Variants in KCNA2 observed in about 807,000 individuals in gnomAD.
The protein encoded by KCNA2 is potassium voltage-gated channel subfamily A member 2, also known as potassium channel, voltage gated shaker related subfamily A, member 2.
Under a neutral mutation model 33.4 loss-of-function variants are expected in KCNA2, and 11 were observed. The ratio of observed to expected loss-of-function variants is 0.33; its 90% confidence interval spans 0.21 to 0.55. The LOEUF (loss-of-function observed/expected upper bound fraction) is 0.55, where lower values mean the gene tolerates loss of function less well. Among genes scored for constraint, KCNA2 ranks in the 20% least tolerant of loss-of-function variants. KCNA2 has a pLI of 0.93. For synonymous variants in KCNA2, 222 were observed against 231.3 expected (o/e 0.96, Z 0.37); for missense variants, 291 against 621.6 (o/e 0.47, Z 5.66).
At position 110,614,469 on chromosome 1, in the gene KCNA2, T is replaced by G. The variant is rs145030535; in HGVS notation, c.-495-8747A>C. ...GTTACTCTAAGCCCCACGTCCTTCTTCTCTCCCTTTTATGGCCTTTGGTCA... is the reference window on the plus strand; with the variant it reads ...GTTACTCTAAGCCCCACGTCCTTCTGCTCTCCCTTTTATGGCCTTTGGTCA... On this transcript the variant is annotated intron_variant, in intron 1 of 4. Coordinates refer to the KCNA2 transcript ENST00000369770. Among the ~76,000 whole-genome samples the G allele has an allele frequency of 1.6e-3, 239 of 152,324 alleles. 3 individuals carry two copies. The highest frequency in any genetic ancestry group is 5.4e-3 in the African/African-American group (225 of 41,562).
chr1:110,597,546 A>G lies in KCNA2; in HGVS notation c.*5737T>C. The G allele has an allele frequency of 1.0e-6, 1 of 985,416 alleles. No individual in the cohort carries two copies. Among genetic ancestry groups the G allele is most frequent in the Non-Finnish European group, 1.2e-6 (1 of 829,926 alleles). 61.0% of individuals were successfully genotyped at this position (985,416 alleles called of 1,614,324 possible). A position where few individuals can be genotyped will look rare whatever the true frequency, so the allele number is the denominator to read the frequency against. On this transcript the variant is annotated 3_prime_UTR_variant, in exon 3 of 3. Coordinates refer to ENST00000316361, the MANE Select transcript of KCNA2 (RefSeq NM_004974.4). ...CACACAGGAAGGAGACAAAGTGACAAAGCCCTCTCACAGGCCTTCCTTGTG... is the reference window on the plus strand; with the variant it reads ...CACACAGGAAGGAGACAAAGTGACAGAGCCCTCTCACAGGCCTTCCTTGTG...
At chr1:110,619,015 A>G (rs1322579483) in intron 1 of KCNA2, among the ~76,000 whole-genome samples, 1 of 152,182 alleles carries the variant, frequency 6.6e-6, no homozygotes, top group Admixed American at 6.5e-5. Context: ...AAAGTCCAGT[A>G]GTTGTTCACT....
In KCNA2 at chr1:110,604,539, G is replaced by C; in HGVS notation, c.244C>G (p.Arg82Gly). 6.2e-7 allele frequency: 1 copy of C among 1,614,184 alleles called. No individual in the cohort carries two copies. Among genetic ancestry groups the C allele is most frequent in the Non-Finnish European group, 8.5e-7 (1 of 1,180,014 alleles). ...TACAAAATGGCATCAAAGCTAGGGC[G>C]GTTCCGATCGAAAAAGTACTCATTT... is the stretch of plus-strand genomic sequence containing the variant. ...LRNEYFFDRN[R>G]PSFDAILYYY... The change falls in exon 3 of 3, where the codon CGC becomes GGC. Residue 82 changes from arginine (R) to glycine (G), a missense_variant. Arg to Gly is a moderately radical substitution (Grantham distance 125, BLOSUM62 -2). This residue lies in a region of KCNA2 where 163 missense variants were observed against 273.5 expected (regional missense o/e 0.60). Transcript: ENST00000316361. This position sits in a 1 kb window ranked among gnomAD's most constrained non-coding sequence, Gnocchi z 7.6.
At position 110,595,869 on chromosome 1, in the gene KCNA2, C is replaced by T. The variant is rs902379787; in HGVS notation, c.*7414G>A. ...CTTTCAGATCTCACAAACCTCAAAC[C>T]TAGGGCACCACCAATGACAAAGAGA... On this transcript the variant is annotated 3_prime_UTR_variant, in exon 3 of 3. Transcript: ENST00000316361. The T allele has an allele frequency of 2.0e-6, 2 of 985,320 alleles. No homozygotes were observed. Among genetic ancestry groups the T allele is most frequent in the Non-Finnish European group, 2.4e-6 (2 of 829,944 alleles). The allele number at this position is 985,320 out of a possible 1,614,324, so 61.0% of individuals were successfully genotyped here.
At chr1:110,606,108 G>C (rs878934834) in intron 1 of KCNA2, 120 bp downstream of exon 1, 2 of 155,464 alleles carry the variant, frequency 1.3e-5, no homozygotes, top group Admixed American at 1.3e-4. Flanking sequence ...TACAAGCTCT[G>C]ACCTCAGCCA....
In KCNA2 at chr1:110,593,785, C is replaced by A; in HGVS notation, c.*9498G>T. On this transcript the variant is annotated 3_prime_UTR_variant, in exon 3 of 3. Coordinates refer to ENST00000316361, the MANE Select transcript of KCNA2 (RefSeq NM_004974.4). ...TACACATATATGTATAACCTATGTA[C>A]AAATATCAGACCCTACTGACACAGG... The A allele has an allele frequency of 1.4e-6, 2 of 1,393,034 alleles. No individual in the cohort carries two copies. The highest frequency in any genetic ancestry group is 9.8e-7 in the Non-Finnish European group (1 of 1,018,384). The allele number at this position is 1,393,034 out of a possible 1,614,324, so 86.3% of individuals were successfully genotyped here. A position where few individuals can be genotyped will look rare whatever the true frequency, so the allele number is the denominator to read the frequency against.
rs1375738422 is a variant in KCNA2, at chr1:110,604,217, C to T, written c.566G>A (p.Arg189Gln). The change falls in exon 3 of 3, where the codon CGG becomes CAG. Residue 189 changes from arginine (R) to glutamine (Q), a missense_variant. Physicochemically the swap from Arg to Gln is conservative, Grantham distance 43 (BLOSUM62 1). Coordinates refer to ENST00000316361, the MANE Select transcript of KCNA2 (RefSeq NM_004974.4). The surrounding 1 kb of genome is among the most constrained non-coding windows in gnomAD (Gnocchi z 7.6). ...ACCATGCATGTCTTCATTCTCATCC[C>T]GGAAGATGGGCAATGTTTCCAGACA... Reference protein sequence around the residue: ...SFCLETLPIFRDENEDMHGSG... With the variant: ...SFCLETLPIFQDENEDMHGSG... 3.1e-6 allele frequency: 5 copies of T among 1,614,028 alleles called. No individual in the cohort carries two copies. The highest frequency in any genetic ancestry group is 4.2e-6 in the Non-Finnish European group (5 of 1,180,044).
rs61784707 is a variant in KCNA2, at chr1:110,599,040, G to C, written c.*4243C>G. The C allele has an allele frequency of 0.067, 65,853 of 985,144 alleles. 2,290 individuals are homozygous for C. The highest frequency in any genetic ancestry group is 0.089 in the Middle Eastern group (171 of 1,914). 61.0% of individuals were successfully genotyped at this position (985,144 alleles called of 1,614,324 possible). A position where few individuals can be genotyped will look rare whatever the true frequency, so the allele number is the denominator to read the frequency against. Reference sequence around the variant, plus strand: ...AACACAAGTTTCCAGCAAAGCACACGTTTTGGACCCATATGTCCACTCCCT... The same window carrying C: ...AACACAAGTTTCCAGCAAAGCACACCTTTTGGACCCATATGTCCACTCCCT... On this transcript the variant is annotated 3_prime_UTR_variant, in exon 3 of 3. Transcript: ENST00000316361.
intron 1 of KCNA2, among the ~76,000 whole-genome samples, chr1:110,626,773 G>T (rs1288428575): frequency 1.3e-5 from 2 of 152,044 alleles, no homozygotes; most frequent in African/African-American, 4.8e-5. Flanking sequence ...CAAGCCTCAG[G>T]CACCAGCCAG....
chr1:110,605,969 C>A (rs1649582756), intron 1 of KCNA2: 1 of 152,292 alleles, frequency 6.6e-6, no homozygotes, highest in Non-Finnish European at 1.5e-5. Flanking sequence ...CTCCAGGGGC[C>A]TCCCTGGGTT....
intron 1 of KCNA2, among the ~76,000 whole-genome samples, chr1:110,623,258 C>T (rs543086825): frequency 6.6e-6 from 1 of 152,272 alleles, no homozygotes; most frequent in South Asian, 2.1e-4. Flanking sequence ...CTATATGCAA[C>T]ATGAACACAT....
chr1:110,614,871 C>T (rs879390119), intron 1 of KCNA2, among the ~76,000 whole-genome samples: 2 of 152,210 alleles, frequency 1.3e-5, no homozygotes, highest in Admixed American at 6.5e-5. Flanking sequence ...CCAGCCCAGA[C>T]TTTGCTGATC....
In KCNA2 at chr1:110,598,775, G is replaced by A. The variant is rs1649210655; in HGVS notation, c.*4508C>T. On this transcript the variant is annotated 3_prime_UTR_variant, in exon 3 of 3. Coordinates refer to ENST00000316361, the MANE Select transcript of KCNA2 (RefSeq NM_004974.4). ...AGGCAAGCAGAGAAGAAGGAAGAGA[G>A]CATGTCAAATATTACTGAAGTTTCA... 1.0e-6 allele frequency: 1 copy of A among 985,138 alleles called. No individual in the cohort carries two copies. 61.0% of individuals were successfully genotyped at this position (985,138 alleles called of 1,614,324 possible).
intron 1 of KCNA2, among the ~76,000 whole-genome samples, chr1:110,624,676 G>A (rs1424061533): frequency 6.6e-6 from 1 of 152,144 alleles, no homozygotes; most frequent in African/African-American, 2.4e-5. Flanking sequence ...GAAAAATGAT[G>A]GGAAAAATGT....
chr1:110,630,998 T>C (rs1650541784), intron 1 of KCNA2, among the ~76,000 whole-genome samples: 1 of 152,200 alleles, frequency 6.6e-6, no homozygotes, highest in Non-Finnish European at 1.5e-5. Context: ...GGCTGCTGTC[T>C]CAAGCACAGG....
chr1:110,627,020 A>C (rs761895716), intron 1 of KCNA2, among the ~76,000 whole-genome samples: 1 of 152,220 alleles, frequency 6.6e-6, no homozygotes, highest in Admixed American at 6.5e-5. Flanking sequence ...GCTTTATTGC[A>C]TCTCATTTAA....
intron 1 of KCNA2, among the ~76,000 whole-genome samples, chr1:110,619,568 G>A (rs981609354): frequency 2.0e-5 from 3 of 152,242 alleles, no homozygotes; most frequent in African/African-American, 7.2e-5. Flanking sequence ...GGGCGGCAAT[G>A]CGGCAATCTG....
intron 1 of KCNA2, among the ~76,000 whole-genome samples, chr1:110,615,936 G>A (rs1650035454): frequency 6.6e-6 from 1 of 152,182 alleles, no homozygotes; most frequent in Non-Finnish European, 1.5e-5. Context: ...ATCCAACAGT[G>A]CCACCCAATG....
chr1:110,624,385 A>T (rs1650339390), intron 1 of KCNA2, among the ~76,000 whole-genome samples: 1 of 152,264 alleles, frequency 6.6e-6, no homozygotes, highest in Non-Finnish European at 1.5e-5. Context: ...AGACAGACAT[A>T]AGAAACACAT....
Sources: allele counts gnomAD v4.1 joint callset (sites outside exome capture counted in the v4.1 genomes callset), GRCh38; gene constraint gnomAD v4.1.1; regional missense constraint gnomAD v4.1.1; non-coding constraint Gnocchi (gnomAD v3.1); transcripts MANE v1.5; gene names NCBI Gene and HGNC (gene_info 2026-07-23, HGNC 2026-07-21).